BPIFB3: variants seen among roughly 807,000 people sequenced by gnomAD.
The protein encoded by BPIFB3 is BPI fold containing family B member 3, also known as BPI fold-containing family B member 3.
In BPIFB3, 49 loss-of-function variants were observed where a neutral mutation model predicts 53.1. The ratio of observed to expected loss-of-function variants is 0.92; its 90% CI spans 0.73 to 1.17. The LOEUF is 1.17. BPIFB3 is among the 50% of genes most tolerant of loss of function. The probability of loss-of-function intolerance (pLI) is 0.00; values close to 1 mark genes in which losing one functional copy is unlikely to be tolerated. For synonymous variants in BPIFB3, 271 were observed against 269.6 expected (o/e 1.01, Z -0.05); for missense variants, 628 against 592.5 (o/e 1.06, Z -0.62).
chr20:33,071,169 GAGAGCT>G, intron 11 of BPIFB3, 78 bp from the exon 13 acceptor site: 1 of 1,294,292 alleles, frequency 7.7e-7, no homozygotes, highest in Admixed American at 2.2e-5. Flanking sequence ...TCCTGATGAT[GAGAGCT>G]ATGGTGGGGC....
intron 8 of BPIFB3, among the ~76,000 whole-genome samples, chr20:33,066,439 A>G (rs1388166796): frequency 6.6e-6 from 1 of 152,242 alleles, no homozygotes. Context: ...CTGGGCCTTT[A>G]GATCGTGAGC....
rs1042727708 is a variant in BPIFB3, at chr20:33,068,785, G to A, written c.979-18G>A. 6.2e-7 allele frequency: 1 copy of A among 1,610,014 alleles called. No individual in the cohort carries two copies. Among genetic ancestry groups the A allele is most frequent in the Non-Finnish European group, 8.5e-7 (1 of 1,177,728 alleles). ...TGTAGTCCTGGGGCATCTAAGTTATGCCCCTGCATTTCTCCAGGCCCTGGG... is the reference window on the plus strand; with the variant it reads ...TGTAGTCCTGGGGCATCTAAGTTATACCCCTGCATTTCTCCAGGCCCTGGG... On this transcript the variant is annotated intron_variant, in intron 9 of 14. Coordinates refer to ENST00000375494, the Ensembl canonical transcript of BPIFB3.
chr20:33,072,269 A>C, intron 13 of BPIFB3, 102 bp downstream of exon 14: 1 of 1,264,282 alleles, frequency 7.9e-7, no homozygotes, highest in Non-Finnish European at 1.2e-6. Flanking sequence ...CTGAGGCCAG[A>C]GAGAGAGGTC....
At chr20:33,064,737 CAAG>C in exon 8 of BPIFB3, 1 of 1,614,166 alleles carries the variant, frequency 6.2e-7, no homozygotes, top group South Asian at 1.1e-5. Context: ...AGGTGCCCCC[CAAG>C]AAGGACCACA....
At chr20:33,063,507 T>C (rs1980535578) in intron 5 of BPIFB3, 108 bp from the exon 7 acceptor site, 1 of 1,253,120 alleles carries the variant, frequency 8.0e-7, no homozygotes, top group African/African-American at 1.5e-5. Context: ...CCGCCTTGCC[T>C]TGGTCCCCAG....
chr20:33,072,788 G>A lies in BPIFB3; in HGVS notation c.1396G>A (p.Val466Ile), dbSNP rs376787900. 68 of 1,612,152 alleles carry A rather than the reference G, an allele frequency of 4.2e-5. No homozygotes were observed. The East Asian group carries it at 1.1e-3, about 27-fold the overall frequency. The change falls in exon 14 of 15, where the codon GTA (valine) becomes ATA (isoleucine). Residue 466 changes from valine to isoleucine, a missense_variant. By Grantham distance (29) the Val-to-Ile change is conservative. Transcript: ENST00000375494. ...TTTTTCCAATTCAGTTCTGGAGATCGTAGAGGTGAGCCTTCTCTGCAGATA... is the reference window on the plus strand; with the variant it reads ...TTTTTCCAATTCAGTTCTGGAGATCATAGAGGTGAGCCTTCTCTGCAGATA...
At chr20:33,072,884 C>T in intron 14 of BPIFB3, 91 bp downstream of exon 15, 1 of 1,115,778 alleles carries the variant, frequency 9.0e-7, no homozygotes, top group South Asian at 1.3e-5. Context: ...TGCTTTGCTT[C>T]ATCCTCTTGT....
At chr20:33,061,889 C>G (rs1193491164) in intron 5 of BPIFB3, 58 bp downstream of exon 6, 1 of 1,594,460 alleles carries the variant, frequency 6.3e-7, no homozygotes, top group East Asian at 2.2e-5. Context: ...CTCTTTCCCC[C>G]TCTGGTTTTG....
intron 4 of BPIFB3, among the ~76,000 whole-genome samples, chr20:33,061,123 C>T (rs1280372963): frequency 6.6e-6 from 1 of 152,198 alleles, no homozygotes; most frequent in African/African-American, 2.4e-5. Flanking sequence ...TCAGGCAGTT[C>T]TGTGTTAGCT....
At chr20:33,057,587 G>T (rs748561471) in intron 2 of BPIFB3, among the ~76,000 whole-genome samples, 1 of 151,700 alleles carries the variant, frequency 6.6e-6, no homozygotes, top group Non-Finnish European at 1.5e-5. Context: ...CTGAATGTTT[G>T]TCCCTCAAAT....
chr20:33,062,303 C>G (rs906224691), intron 5 of BPIFB3, among the ~76,000 whole-genome samples: 2 of 152,270 alleles, frequency 1.3e-5, no homozygotes, highest in South Asian at 4.2e-4. Context: ...CTTCTGCACT[C>G]GAGAGAGCTG....
In BPIFB3 at chr20:33,068,982, T is replaced by C; in HGVS notation, c.1149+9T>C. 1 of 1,607,760 alleles carries C rather than the reference T, an allele frequency of 6.2e-7. No homozygotes were observed. Among genetic ancestry groups the C allele is most frequent in the Non-Finnish European group, 8.5e-7 (1 of 1,175,218 alleles). On this transcript the variant is annotated intron_variant, in intron 10 of 14. Transcript: ENST00000375494. ...TCTTTGAGCTGAACTCCGTGAGTGGTCAAGGGGTGGCTGGGGGCCCGGCAT... is the reference window on the plus strand; with the variant it reads ...TCTTTGAGCTGAACTCCGTGAGTGGCCAAGGGGTGGCTGGGGGCCCGGCAT...
At chr20:33,068,716 G>A in intron 9 of BPIFB3, 87 bp from the exon 11 acceptor site, 4 of 1,395,724 alleles carry the variant, frequency 2.9e-6, no homozygotes, top group South Asian at 1.3e-5. Context: ...GTTGCCCAGT[G>A]CCTGGTAGGT....
chr20:33,070,501 G>A (rs1346450271), intron 11 of BPIFB3, among the ~76,000 whole-genome samples: 2 of 152,190 alleles, frequency 1.3e-5, no homozygotes, highest in South Asian at 2.1e-4. Flanking sequence ...TTTGCAAAAC[G>A]CCGTGCTGGC....
intron 9 of BPIFB3, 83 bp from the exon 11 acceptor site, chr20:33,068,720 G>T (rs1296375679): frequency 7.7e-6 from 11 of 1,427,702 alleles, no homozygotes; most frequent in Non-Finnish European, 9.6e-6. Flanking sequence ...CCCAGTGCCT[G>T]GTAGGTGCTT....
intron 13 of BPIFB3, 115 bp downstream of exon 14, chr20:33,072,282 TCCTCATTTGCAA>T: frequency 8.7e-7 from 1 of 1,144,920 alleles, no homozygotes; most frequent in South Asian, 1.3e-5. Context: ...GAGAGGTCGA[TCCTCATTTGCAA>T]GATGCAGAAA....
chr20:33,059,545 A>C, intron 3 of BPIFB3, 63 bp downstream of exon 4: 1 of 1,204,086 alleles, frequency 8.3e-7, no homozygotes, highest in African/African-American at 1.6e-5. Context: ...CCTGTTGGAG[A>C]CTCCTACTCT....
Position 33,072,716 on chromosome 20 carries a change from G to T in BPIFB3, c.1325-1G>T. The T allele has an allele frequency of 6.2e-7, 1 of 1,612,150 alleles. No individual in the cohort carries two copies. The highest frequency in any genetic ancestry group is 1.3e-5 in the African/African-American group (1 of 74,950). On this transcript the variant is annotated splice_acceptor_variant, in intron 13 of 14. Coordinates refer to ENST00000375494, the Ensembl canonical transcript of BPIFB3. LOFTEE classifies it high-confidence loss of function. The stretch of plus-strand genomic sequence containing the variant: ...TGTTTTCAACGATTCTCTTTTCACA[G>T]TGGCCCTGGATGTTGGAATTCCCCT...
At chr20:33,073,304 G>A (rs1240251258) in intron 14 of BPIFB3, among the ~76,000 whole-genome samples, 1 of 152,216 alleles carries the variant, frequency 6.6e-6, no homozygotes, top group Non-Finnish European at 1.5e-5. Context: ...TTTCTCAGAT[G>A]AGGACCAAGG....
Sources: allele counts gnomAD v4.1 joint callset (sites outside exome capture counted in the v4.1 genomes callset), GRCh38; gene constraint gnomAD v4.1.1; transcripts MANE v1.5; gene names NCBI Gene and HGNC (gene_info 2026-07-23, HGNC 2026-07-21).